The following LRRN2 variants were observed in gnomAD, a reference collection of about 807,000 sequenced individuals.
LRRN2 encodes the protein leucine-rich repeat neuronal protein 2.
In LRRN2, 10 loss-of-function variants were observed where a neutral mutation model predicts 35.7. The ratio of observed to expected loss-of-function variants is 0.28; its 90% CI spans 0.17 to 0.47. The LOEUF is 0.47. Among genes scored for constraint, LRRN2 ranks in the 20% least tolerant of loss-of-function variants. The pLI is 0.99. For missense variants in LRRN2, 731 were observed against 940.3 expected (o/e 0.78, Z 2.91); for synonymous variants, 391 against 409.6 (o/e 0.95, Z 0.55).
chr1:204,679,606 G>A (rs1381973817), intron 1 of LRRN2, among the ~76,000 whole-genome samples: 1 of 152,170 alleles, frequency 6.6e-6, no homozygotes, highest in Non-Finnish European at 1.5e-5. Context: ...TGTTCTTCCT[G>A]AAATACACGA....
At chr1:204,634,050 A>T (rs1245378611) in intron 1 of LRRN2, among the ~76,000 whole-genome samples, 1 of 152,226 alleles carries the variant, frequency 6.6e-6, no homozygotes, top group Non-Finnish European at 1.5e-5. Context: ...GCATAATTCA[A>T]TGACTGCGGC....
At chr1:204,632,668 A>G (rs1308498993) in intron 1 of LRRN2, among the ~76,000 whole-genome samples, 1 of 149,444 alleles carries the variant, frequency 6.7e-6, no homozygotes, top group Non-Finnish European at 1.5e-5. Flanking sequence ...GCAGTGGCCC[A>G]CACCTGTAAT....
chr1:204,671,221 G>C (rs898233942), intron 1 of LRRN2, among the ~76,000 whole-genome samples: 1 of 152,068 alleles, frequency 6.6e-6, no homozygotes, highest in Admixed American at 6.5e-5. Context: ...GAAGTGGGAG[G>C]TGAGGTCCTC....
At chr1:204,663,035 T>C (rs17335469) in intron 1 of LRRN2, among the ~76,000 whole-genome samples, 5,902 of 152,218 alleles carry the variant, frequency 0.039, 167 homozygotes, top group Non-Finnish European at 0.06. Context: ...CCTCAAATAG[T>C]TCATTTCCAG....
chr1:204,637,907 G>A (rs1667875038), intron 1 of LRRN2, among the ~76,000 whole-genome samples: 1 of 152,228 alleles, frequency 6.6e-6, no homozygotes, highest in African/African-American at 2.4e-5. Context: ...AACTTTGTGA[G>A]TTAAAGGCAT....
intron 1 of LRRN2, among the ~76,000 whole-genome samples, chr1:204,683,445 T>G (rs1571691408): frequency 6.7e-5 from 9 of 133,914 alleles, no homozygotes; most frequent in South Asian, 2.4e-4. Flanking sequence ...AAGTGAAGAG[T>G]GAAGGAAGGA....
At chr1:204,649,897 G>A (rs544797999) in intron 1 of LRRN2, among the ~76,000 whole-genome samples, 1 of 152,296 alleles carries the variant, frequency 6.6e-6, no homozygotes, top group Non-Finnish European at 1.5e-5. Context: ...GACACTCCTG[G>A]AAGCAGGGTC....
chr1:204,678,016 G>A (rs752605552), intron 1 of LRRN2, among the ~76,000 whole-genome samples: 6 of 152,074 alleles, frequency 3.9e-5, no homozygotes, highest in Non-Finnish European at 8.8e-5. Flanking sequence ...TTCTCCGTGC[G>A]AGAATCCTTC....
chr1:204,641,934 C>T (rs1558411773), intron 1 of LRRN2, among the ~76,000 whole-genome samples: 1 of 152,244 alleles, frequency 6.6e-6, no homozygotes, highest in Non-Finnish European at 1.5e-5. Flanking sequence ...AGGAGCTATG[C>T]ACCCTCCTCT....
In LRRN2 at chr1:204,618,288, C is replaced by A. The variant is rs748008001; in HGVS notation, c.1705G>T (p.Ala569Ser). 6.2e-7 allele frequency: 1 copy of A among 1,600,104 alleles called. No individual in the cohort carries two copies. Among genetic ancestry groups the A allele is most frequent in the Admixed American group, 1.7e-5 (1 of 59,056 alleles). ...SSASSLRGQG[A>S]TALARLPRGT... The stretch of plus-strand genomic sequence containing the variant: ...CGAGGCAGGCGGGCCAGAGCTGTGG[C>A]CCCCTGGCCCCGGAGGGAGGAGGCA... The change falls in exon 2 of 2, where the codon GCC becomes TCC. Residue 569 changes from alanine (A) to serine (S), a missense_variant. Coordinates refer to ENST00000367177, the MANE Select transcript of LRRN2 (RefSeq NM_201630.2).
intron 1 of LRRN2, among the ~76,000 whole-genome samples, chr1:204,635,110 C>T (rs1161596872): frequency 6.6e-6 from 1 of 152,122 alleles, no homozygotes; most frequent in Admixed American, 6.5e-5. Context: ...TTCTAAAGAT[C>T]CGATCAGATC....
intron 1 of LRRN2, among the ~76,000 whole-genome samples, chr1:204,664,939 T>G (rs890710080): frequency 2.0e-5 from 3 of 152,118 alleles, no homozygotes; most frequent in African/African-American, 7.2e-5. Flanking sequence ...GGTCAGCTCT[T>G]TAATCAAATC....
At chr1:204,637,645 C>CGTGTGTGT (rs67761829) in intron 1 of LRRN2, among the ~76,000 whole-genome samples, 1,699 of 129,948 alleles carry the variant, frequency 0.013, 21 homozygotes, top group African/African-American at 0.024. Flanking sequence ...CAGCACGTGA[C>CGTGTGTGT]GTGTGTGTGT....
At chr1:204,673,793 C>A (rs1420106372) in intron 1 of LRRN2, among the ~76,000 whole-genome samples, 2 of 152,166 alleles carry the variant, frequency 1.3e-5, no homozygotes, top group Admixed American at 1.3e-4. Context: ...GGTTCTCCCC[C>A]TCCCTGCTTT....
At chr1:204,679,732 C>CTG (rs1668904529) in intron 1 of LRRN2, among the ~76,000 whole-genome samples, 1 of 152,258 alleles carries the variant, frequency 6.6e-6, no homozygotes, top group South Asian at 2.1e-4. Flanking sequence ...GCCACCCTTG[C>CTG]ATTGGTTCCC....
At chr1:204,658,559 G>A in intron 1 of LRRN2, among the ~76,000 whole-genome samples, 1 of 152,178 alleles carries the variant, frequency 6.6e-6, no homozygotes, top group East Asian at 1.9e-4. Flanking sequence ...CTAGGGTAAA[G>A]CAGGGACAGA....
rs77525838 is a variant in LRRN2, at chr1:204,667,223, G to A, written c.-227+18097C>T. 7.7e-3 allele frequency among the ~76,000 whole-genome samples: 1,176 copies of A among 152,220 alleles called. 10 individuals carry two copies. Among genetic ancestry groups the A allele is most frequent in the African/African-American group, 0.027 (1,114 of 41,524 alleles). The stretch of plus-strand genomic sequence containing the variant: ...GTGCATGTATAACTGGTGAAATTCC[G>A]ATAAACTCTAGGGTTATACCAATGT... On this transcript the variant is annotated intron_variant, in intron 1 of 1. Coordinates refer to ENST00000367177, the MANE Select transcript of LRRN2 (RefSeq NM_201630.2).
chr1:204,668,796 T>C (rs1416399519), intron 1 of LRRN2, among the ~76,000 whole-genome samples: 2 of 152,146 alleles, frequency 1.3e-5, no homozygotes, highest in African/African-American at 2.4e-5. Flanking sequence ...CGATAATATA[T>C]GTGAAAGAGT....
chr1:204,676,376 T>TA (rs55892276), intron 1 of LRRN2, among the ~76,000 whole-genome samples: 136,199 of 151,908 alleles, frequency 0.9, 62,347 homozygotes, highest in East Asian at 1. Flanking sequence ...TTTCTGAGCT[T>TA]TGTACTGCTT....
Sources: gnomAD v4.1 joint callset for allele counts (sites outside exome capture counted in the v4.1 genomes callset) on GRCh38, gnomAD v4.1.1 for gene constraint, MANE v1.5 for transcripts, NCBI Gene and HGNC (gene_info 2026-07-23, HGNC 2026-07-21) for gene names.